Variants in FTSJ3 observed in about 807,000 individuals in gnomAD.
The protein encoded by FTSJ3 is pre-rRNA 2'-O-ribose RNA methyltransferase FTSJ3.
In FTSJ3, 46 loss-of-function variants were observed where a neutral mutation model predicts 111.5. The observed-to-expected ratio is 0.41, with a 90% CI of 0.33 to 0.53. The LOEUF is 0.53. Ranked by LOEUF, FTSJ3 falls within the 20% of genes least tolerant of loss-of-function variation. The probability of loss-of-function intolerance (pLI) is 0.19; values close to 1 mark genes in which losing one functional copy is unlikely to be tolerated. For missense variants in FTSJ3, 1,075 were observed against 1,063.8 expected, an observed-to-expected ratio of 1.01 and a Z score of -0.15; for synonymous variants, 408 against 383.0, an observed-to-expected ratio of 1.07 and a Z score of -0.76.
Position 63,827,561 on chromosome 17 carries a change from G to GGAGCGAGCGTGATCTGAGTGGA in FTSJ3, c.-558_-537dup, listed in dbSNP as rs746998993. 1 of 1,551,478 alleles carries GGAGCGAGCGTGATCTGAGTGGA rather than the reference G, an allele frequency of 6.4e-7. No individual in the cohort carries two copies. The highest frequency in any genetic ancestry group is 1.2e-5 in the South Asian group (1 of 84,050). On this transcript the variant is annotated 5_prime_UTR_variant, in exon 1 of 21. It removes the in-frame stop codon of an upstream open reading frame in the 5' UTR. Coordinates refer to ENST00000427159, the MANE Select transcript of FTSJ3 (RefSeq NM_017647.4). ...CCCGGCAGGTTACGGGGCTGGGTGC[G>GGAGCGAGCGTGATCTGAGTGGA]GAGCGAGCGTGATCTGAGTGGAGAG...
In FTSJ3 at chr17:63,824,712, G is replaced by A. The variant is rs182489624; in HGVS notation, c.842C>T (p.Ala281Val). Residue 281 changes from alanine to valine, a missense_variant, in exon 10 of 21, where the codon GCA becomes GTA. Ala to Val is a moderately conservative substitution (Grantham distance 64, BLOSUM62 0). This residue lies in a region of FTSJ3 where 867 missense variants were observed against 796.9 expected (regional missense o/e 1.09). Coordinates refer to ENST00000427159, the MANE Select transcript of FTSJ3 (RefSeq NM_017647.4). ...GTCCTCAGTGGTAGCTGGATGCTGT[G>A]CCAACTCTTCATCATCTACCATGAT... ...SEIMVDDEELAQHPATTEDIR... is the reference protein window; with the variant it reads ...SEIMVDDEELVQHPATTEDIR... 595 of 1,613,962 alleles carry A rather than the reference G, an allele frequency of 3.7e-4. 1 individual carries two copies. The highest frequency in any genetic ancestry group is 4.6e-4 in the Non-Finnish European group (546 of 1,179,830).
In FTSJ3 at chr17:63,826,922, C is replaced by G. The variant is rs112267970; in HGVS notation, c.-20G>C. On this transcript the variant is annotated 5_prime_UTR_variant, in exon 2 of 21. Transcript: ENST00000427159. ...GCCCATGGTGGAAAGGGGGAGTATC[C>G]CTCAATCTGGGGAGAAAGTAGAAGT... 158 of 1,605,686 alleles carry G rather than the reference C, an allele frequency of 9.8e-5. 2 individuals are homozygous for G. In the African/African-American group the frequency reaches 1.6e-3, roughly 16 times the overall value.
At chr17:63,820,215 A>ACC in intron 19 of FTSJ3, 40 bp downstream of exon 19, 2 of 279,824 alleles carry the variant, frequency 7.1e-6, no homozygotes, top group Non-Finnish European at 1.3e-5. Context: ...CCATCCCCCC[A>ACC]CCCCCACCCC....
chr17:63,827,597 C>CA lies in FTSJ3; in HGVS notation c.-573dup. 6.5e-7 allele frequency: 1 copy of CA among 1,550,006 alleles called. No individual in the cohort carries two copies. Among genetic ancestry groups the CA allele is most frequent in the Non-Finnish European group, 8.7e-7 (1 of 1,146,316 alleles). ...GATCTGAGTGGAGAGCGGGCCGGGG[C>CA]AGGAGCGTCGGGTGGGTCGGAGGTG... On this transcript the variant is annotated 5_prime_UTR_variant, in exon 1 of 21. The change abolishes the stop of an existing upstream ORF in the 5' untranslated region. Transcript: ENST00000427159.
chr17:63,826,723 G>C (rs368872521), intron 2 of FTSJ3, 51 bp from the exon 3 acceptor site: 2 of 1,570,100 alleles, frequency 1.3e-6, no homozygotes, highest in South Asian at 2.2e-5. Flanking sequence ...GGATTTCTCC[G>C]GCCTCGCAAC....
At position 63,822,217 on chromosome 17, in the gene FTSJ3, GTTTT is replaced by G. The variant is rs748367863; in HGVS notation, c.1291-53_1291-50del. Reference sequence around the variant, plus strand: ...TAAACTATTTAAAAGGAAATATACTGTTTTTTTTTCTGTGTCCCTCACCTCAGTC... The same window carrying G: ...TAAACTATTTAAAAGGAAATATACTGTTTTTCTGTGTCCCTCACCTCAGTC... On this transcript the variant is annotated intron_variant, in intron 13 of 20. Coordinates refer to ENST00000427159, the MANE Select transcript of FTSJ3 (RefSeq NM_017647.4). The G allele has an allele frequency of 9.5e-6, 14 of 1,480,998 alleles. No homozygotes were observed. The East Asian group carries it at 2.8e-4, about 30-fold the overall frequency. 91.7% of individuals were successfully genotyped at this position (1,480,998 alleles called of 1,614,324 possible). A position where few individuals can be genotyped will look rare whatever the true frequency, so the allele number is the denominator to read the frequency against.
Position 63,826,388 on chromosome 17 carries a change from G to A in FTSJ3, c.174-84C>T, listed in dbSNP as rs1453900027. 6.6e-6 allele frequency: 9 copies of A among 1,355,066 alleles called. No individual in the cohort carries two copies. In the South Asian group the frequency reaches 1.1e-4, roughly 16 times the overall value. 83.9% of individuals were successfully genotyped at this position (1,355,066 alleles called of 1,614,324 possible). On this transcript the variant is annotated intron_variant, in intron 3 of 20. Coordinates refer to ENST00000427159, the MANE Select transcript of FTSJ3 (RefSeq NM_017647.4). ...TGATCTCTCATCCCTGGTGTTACGT[G>A]TACTGGCCAAAGCATATCATAGGCA... is the stretch of plus-strand genomic sequence containing the variant.
In FTSJ3 at chr17:63,827,093, G is replaced by C. The variant is rs1322882093; in HGVS notation, c.-68C>G. On this transcript the variant is annotated 5_prime_UTR_variant, in exon 1 of 21. Transcript: ENST00000427159. ...TTTCTCCACACTTGGAACCGCACAA[G>C]TATGCAGCTAACTACTTCCGCTTCC... 20 of 564,340 alleles carry C rather than the reference G, an allele frequency of 3.5e-5. No individual in the cohort carries two copies. The highest frequency in any genetic ancestry group is 3.3e-5 in the Admixed American group (1 of 30,468). 35.0% of individuals were successfully genotyped at this position (564,340 alleles called of 1,614,324 possible).
chr17:63,825,884 G>A (rs939840498), intron 5 of FTSJ3, 172 bp downstream of exon 5: 11 of 652,352 alleles, frequency 1.7e-5, no homozygotes, highest in Non-Finnish European at 2.9e-5. Flanking sequence ...CTTTATCCCT[G>A]ACTCTAAATA....
Position 63,819,440 on chromosome 17 carries a change from A to T in FTSJ3, c.*362T>A, listed in dbSNP as rs370868164. ...TGTCAGAAAAGACAACTCTTCCATT[A>T]TCCTGGTTTTATTCAGGAATAGGAT... On this transcript the variant is annotated 3_prime_UTR_variant, in exon 21 of 21. Transcript: ENST00000427159. 1.4e-5 allele frequency: 3 copies of T among 209,516 alleles called. No individual in the cohort carries two copies. The East Asian group carries it at 3.4e-4, about 24-fold the overall frequency. 13.0% of individuals were successfully genotyped at this position (209,516 alleles called of 1,614,324 possible). A position where few individuals can be genotyped will look rare whatever the true frequency, so the allele number is the denominator to read the frequency against.
chr17:63,821,963 T>C, intron 14 of FTSJ3, 21 bp downstream of exon 14: 1 of 1,613,320 alleles, frequency 6.2e-7, no homozygotes, highest in Non-Finnish European at 8.5e-7. Flanking sequence ...GCATTCCCTT[T>C]GGTGCACACG....
chr17:63,824,833 C>T lies in FTSJ3; in HGVS notation c.808G>A (p.Ala270Thr). The stretch of plus-strand genomic sequence containing the variant: ...CAAGGCTGGAGACTCACTTCGCTGG[C>T]CTTGGAGAGGAAGTCAACAGGGTTG... ...AANPVDFLSK[A>T]SEIMVDDEEL... is the part of the protein sequence containing the mutation. Residue 270 changes from alanine to threonine, a missense_variant, in exon 9 of 21, where the codon GCC becomes ACC. Physicochemically the swap from Ala to Thr is moderately conservative, Grantham distance 58 (BLOSUM62 0). Coordinates refer to ENST00000427159, the MANE Select transcript of FTSJ3 (RefSeq NM_017647.4). 6.2e-7 allele frequency: 1 copy of T among 1,610,050 alleles called. No homozygotes were observed. The highest frequency in any genetic ancestry group is 1.1e-5 in the South Asian group (1 of 90,592).
At chr17:63,826,454 G>T in intron 3 of FTSJ3, 113 bp downstream of exon 3, 1 of 1,168,676 alleles carries the variant, frequency 8.6e-7, no homozygotes, top group Non-Finnish European at 1.3e-6. Flanking sequence ...AAAGGAAACG[G>T]CCCCCAAGAG....
intron 14 of FTSJ3, 54 bp from the exon 15 acceptor site, chr17:63,821,897 T>G: frequency 1.9e-6 from 3 of 1,613,792 alleles, no homozygotes; most frequent in Non-Finnish European, 2.5e-6. Flanking sequence ...CCTGGAGCCC[T>G]TGCTGCCCTA....
rs779682028 is a variant in FTSJ3 at position 63,825,081 on chromosome 17, G to A, written c.678C>T (p.Thr226=). ...AFKEVEVQAK[T]VTELVTKKKP... ...TCTTCTTAGTAACCAATTCAGTAAC[G>A]GTCTTAGCCTGAACTTCAACCTCCT... Residue 226 remains threonine (T), a synonymous_variant, in exon 8 of 21, where the codon ACC becomes ACT. Coordinates refer to ENST00000427159, the MANE Select transcript of FTSJ3 (RefSeq NM_017647.4). 4.9e-5 allele frequency: 79 copies of A among 1,613,970 alleles called. No homozygotes were observed. The highest frequency in any genetic ancestry group is 1.7e-4 in the Admixed American group (10 of 59,990).
chr17:63,827,347 T>C lies in FTSJ3; in HGVS notation c.-322A>G, dbSNP rs565295326. ...ACTCGAGTAGCCGCCCCTCCCATCA[T>C]GGTTCCCTTAGTGTGGTCTCGCCGC... On this transcript the variant is annotated 5_prime_UTR_variant, in exon 1 of 21. It removes an upstream start codon present in the reference 5' UTR. Coordinates refer to ENST00000427159, the MANE Select transcript of FTSJ3 (RefSeq NM_017647.4). 2 of 1,112,682 alleles carry C rather than the reference T, an allele frequency of 1.8e-6. No homozygotes were observed. The highest frequency in any genetic ancestry group is 1.4e-5 in the South Asian group (1 of 70,056). The allele number at this position is 1,112,682 out of a possible 1,614,324, so 68.9% of individuals were successfully genotyped here. A position where few individuals can be genotyped will look rare whatever the true frequency, so the allele number is the denominator to read the frequency against.
chr17:63,824,591 C>T, intron 10 of FTSJ3, 46 bp downstream of exon 10: 1 of 1,523,238 alleles, frequency 6.6e-7, no homozygotes, highest in Non-Finnish European at 9.1e-7. Context: ...CATGGCCTTT[C>T]CCTGCCTCCA....
At position 63,822,072 on chromosome 17, in the gene FTSJ3, C is replaced by G. The variant is rs764463921; in HGVS notation, c.1387G>C (p.Asp463His). 6.2e-7 allele frequency: 1 copy of G among 1,614,180 alleles called. No homozygotes were observed. The highest frequency in any genetic ancestry group is 8.5e-7 in the Non-Finnish European group (1 of 1,180,008). ...CTATCCAGAGATGTGTCATCACCGT[C>G]GTCCTCAACATCTGACACATAGATA... ...DDIYVSDVED[D>H]GDDTSLDSDL... The change falls in exon 14 of 21, where the codon GAC becomes CAC. Residue 463 changes from aspartate (D) to histidine (H), a missense_variant. By Grantham distance (81) the Asp-to-His change is moderately conservative. Transcript: ENST00000427159.
At chr17:63,822,731 AG>A (rs1311662438) in intron 13 of FTSJ3, among the ~76,000 whole-genome samples, 12 of 152,298 alleles carry the variant, frequency 7.9e-5, no homozygotes, top group Middle Eastern at 3.4e-3. Context: ...TTGAGGCTGC[AG>A]TGAGTCATGA....
Sources: gnomAD v4.1 joint callset for allele counts (sites outside exome capture counted in the v4.1 genomes callset) on GRCh38, gnomAD v4.1.1 for gene constraint, gnomAD v4.1.1 regional missense constraint, MANE v1.5 for transcripts, NCBI Gene and HGNC (gene_info 2026-07-23, HGNC 2026-07-21) for gene names.